The following ABCA13 variants were observed in gnomAD, a reference collection of about 807,000 sequenced individuals.
ABCA13 encodes ATP-binding cassette sub-family A member 13.
In ABCA13, 476 loss-of-function variants were observed where a neutral mutation model predicts 478.7. That is an observed-to-expected ratio of 0.99 (90% CI 0.92 to 1.07). ABCA13 has a LOEUF of 1.07. Ranked by LOEUF, ABCA13 falls within the 50% of genes least tolerant of loss-of-function variation. The pLI is 0.00. For synonymous variants in ABCA13, 2,252 were observed against 2,158.9 expected, an observed-to-expected ratio of 1.04 and a Z score of -1.20; for missense variants, 6,060 against 5,910.6, an observed-to-expected ratio of 1.03 and a Z score of -0.83.
intron 15 of ABCA13, among the ~76,000 whole-genome samples, chr7:48,251,614 T>C (rs1247611913): frequency 5.3e-5 from 8 of 152,152 alleles, no homozygotes; most frequent in Non-Finnish European, 1.5e-5. Flanking sequence ...GTCACAGAAA[T>C]ATAACTAGTC....
chr7:48,464,440 T>A (rs1406815822), intron 43 of ABCA13, among the ~76,000 whole-genome samples: 6 of 152,228 alleles, frequency 3.9e-5, no homozygotes, highest in African/African-American at 1.2e-4. Flanking sequence ...ACGAATATTT[T>A]AAAATCTTTA....
chr7:48,427,582 G>A (rs914325384), intron 41 of ABCA13, among the ~76,000 whole-genome samples, 184 bp from the exon 42 acceptor site: 2 of 152,186 alleles, frequency 1.3e-5, no homozygotes, highest in Non-Finnish European at 2.9e-5. Context: ...CCTATGGGTA[G>A]CCTGTTTTGC....
intron 26 of ABCA13, among the ~76,000 whole-genome samples, chr7:48,314,754 A>G (rs1007008882): frequency 3.3e-5 from 5 of 152,194 alleles, no homozygotes; most frequent in African/African-American, 4.8e-5. Flanking sequence ...GCAAATGGCT[A>G]TATTATAATA....
rs776621581 is a variant in ABCA13 at position 48,352,366 on chromosome 7, G to C, written c.10567G>C (p.Val3523Leu). The change falls in exon 31 of 62, where the codon GTC becomes CTC. Residue 3523 changes from valine (V) to leucine (L), a missense_variant. Physicochemically the swap from Val to Leu is conservative, Grantham distance 32. Around this residue, in one of 3 missense-constraint regions of ABCA13, gnomAD observed 4,423 missense variants for 4,309.1 expected, o/e 1.03. Transcript: ENST00000435803. ...AGCTGATGGGTTCAAATATAACTAC[G>C]TCTTTGCCCCACTGCAAGACATGAT... Reference protein sequence around the residue: ...LPADGFKYNYVFAPLQDMIER... With the variant: ...LPADGFKYNYLFAPLQDMIER... 6.2e-7 allele frequency: 1 copy of C among 1,613,546 alleles called. No individual in the cohort carries two copies. The highest frequency in any genetic ancestry group is 1.1e-5 in the South Asian group (1 of 91,070).
chr7:48,319,835 C>A (rs989256308), intron 27 of ABCA13, among the ~76,000 whole-genome samples: 51 of 152,142 alleles, frequency 3.4e-4, no homozygotes, highest in African/African-American at 1.2e-3. Context: ...AAATGAAAGA[C>A]TTGAGTAGAT....
intron 41 of ABCA13, among the ~76,000 whole-genome samples, chr7:48,417,178 C>T (rs1368819347): frequency 6.6e-6 from 1 of 152,166 alleles, no homozygotes; most frequent in Non-Finnish European, 1.5e-5. Flanking sequence ...AGACTGATTC[C>T]TAGAAATGCA....
rs1430875860 is a variant in ABCA13, at chr7:48,412,392, TG to T, written c.12269del (p.Cys4090LeufsTer5). The T allele has an allele frequency of 6.2e-7, 1 of 1,613,674 alleles. No individual in the cohort carries two copies. Among genetic ancestry groups the T allele is most frequent in the South Asian group, 1.1e-5 (1 of 91,034 alleles). On this transcript the variant is annotated frameshift_variant, in exon 41 of 62. Transcript: ENST00000435803. LOFTEE classifies it high-confidence loss of function. ...LEAHDLKDMA[C>X]VTSLIKIYIP... ...GGCCCATGATCTGAAAGACATGGCT[TG>T]TGTTACATCCCTGATAAAGATCTAT...
At chr7:48,494,307 T>C (rs1830085044) in intron 48 of ABCA13, among the ~76,000 whole-genome samples, 1 of 151,934 alleles carries the variant, frequency 6.6e-6, no homozygotes, top group African/African-American at 2.4e-5. Context: ...AATGAGAGAG[T>C]ATGAGCATGA....
intron 60 of ABCA13, among the ~76,000 whole-genome samples, chr7:48,643,784 C>T (rs980384162): frequency 1.3e-5 from 2 of 152,208 alleles, no homozygotes. Context: ...AGAAATAGCC[C>T]TATGCTTGAG....
In ABCA13 at chr7:48,336,390, G is replaced by A. The variant is rs1170381815; in HGVS notation, c.10113+855G>A. On this transcript the variant is annotated intron_variant, in intron 28 of 61. Coordinates refer to ENST00000435803, the MANE Select transcript of ABCA13 (RefSeq NM_152701.5). ...TTTTATTTTGGGAGATAGCTGCTGA[G>A]GAAAGGAAGAGGAAGCTAGACAGGT... Among the ~76,000 whole-genome samples, 3 of 152,198 alleles carry A rather than the reference G, an allele frequency of 2.0e-5. No individual in the cohort carries two copies. The South Asian group carries it at 6.2e-4, about 32-fold the overall frequency.
At chr7:48,541,346 C>T (rs1918596) in intron 55 of ABCA13, among the ~76,000 whole-genome samples, 18,222 of 152,052 alleles carry the variant, frequency 0.12, 1,319 homozygotes, top group East Asian at 0.17. Flanking sequence ...TTTACTTGGA[C>T]TATTACATCT....
At chr7:48,599,121 CT>C (rs960699080) in intron 58 of ABCA13, among the ~76,000 whole-genome samples, 4 of 151,686 alleles carry the variant, frequency 2.6e-5, no homozygotes, top group African/African-American at 4.8e-5. Context: ...ATTCCTTCAG[CT>C]TTTTCCTTCT....
chr7:48,645,290 A>G, intron 61 of ABCA13, 127 bp from the exon 62 acceptor site: 2 of 641,242 alleles, frequency 3.1e-6, no homozygotes, highest in Non-Finnish European at 5.4e-6. Context: ...AGGGAATGGT[A>G]TGAATTAATG....
intron 53 of ABCA13, among the ~76,000 whole-genome samples, chr7:48,523,054 C>T (rs1832662873): frequency 6.6e-6 from 1 of 152,078 alleles, no homozygotes; most frequent in Non-Finnish European, 1.5e-5. Context: ...TGATGTAGCC[C>T]CCTCTCACTA....
intron 33 of ABCA13, among the ~76,000 whole-genome samples, chr7:48,373,572 G>T (rs547629012): frequency 1.3e-5 from 2 of 152,238 alleles, no homozygotes; most frequent in South Asian, 4.1e-4. Flanking sequence ...TGTTACATTT[G>T]TAAAAACCCA....
chr7:48,182,274 ATT>A (rs1281591318), intron 1 of ABCA13, among the ~76,000 whole-genome samples: 1 of 152,150 alleles, frequency 6.6e-6, no homozygotes, highest in Non-Finnish European at 1.5e-5. Flanking sequence ...TTAATTTCTA[ATT>A]TTTTTGCAGT....
intron 26 of ABCA13, among the ~76,000 whole-genome samples, chr7:48,315,070 T>G (rs1475575394): frequency 6.6e-6 from 1 of 152,226 alleles, no homozygotes; most frequent in Admixed American, 6.5e-5. Context: ...GTTGTGCATT[T>G]TTGGACACAT....
At chr7:48,612,160 C>G (rs1037027492) in intron 58 of ABCA13, 1 of 152,178 alleles carries the variant, frequency 6.6e-6, no homozygotes, top group Non-Finnish European at 1.5e-5. Flanking sequence ...AGCACCGTAT[C>G]TACATCCTAG....
intron 58 of ABCA13, among the ~76,000 whole-genome samples, chr7:48,606,110 A>T (rs1563497589): frequency 6.6e-6 from 1 of 152,126 alleles, no homozygotes; most frequent in Non-Finnish European, 1.5e-5. Flanking sequence ...TTAGCAGTTC[A>T]TCTAACCTTT....
Sources: gnomAD v4.1 joint callset for allele counts (sites outside exome capture counted in the v4.1 genomes callset) on GRCh38, gnomAD v4.1.1 for gene constraint, gnomAD v4.1.1 regional missense constraint, MANE v1.5 for transcripts, NCBI Gene and HGNC (gene_info 2026-07-23, HGNC 2026-07-21) for gene names.